The following SDK2 variants were observed in gnomAD, a reference collection of about 807,000 sequenced individuals.
SDK2 encodes sidekick cell adhesion molecule 2.
Under a neutral mutation model 253.9 loss-of-function variants are expected in SDK2, and 105 were observed. The ratio of observed to expected loss-of-function variants is 0.41; its 90% CI spans 0.35 to 0.49. The LOEUF is 0.49. SDK2 is among the 20% of genes least tolerant of loss of function. The pLI, the probability that SDK2 is intolerant of heterozygous loss-of-function variation, is 0.06. For synonymous variants in SDK2, 1,249 were observed against 1,234.9 expected (o/e 1.01, Z -0.24); for missense variants, 2,608 against 3,003.0 (o/e 0.87, Z 3.07).
At chr17:73,623,496 C>T (rs1413678785) in intron 1 of SDK2, among the ~76,000 whole-genome samples, 1 of 152,156 alleles carries the variant, frequency 6.6e-6, no homozygotes, top group Non-Finnish European at 1.5e-5. Context: ...AGGCCTTCCC[C>T]CTGAAGGCCC....
intron 14 of SDK2, among the ~76,000 whole-genome samples, chr17:73,422,958 T>C (rs2063244897): frequency 6.6e-6 from 1 of 151,684 alleles, no homozygotes; most frequent in Admixed American, 6.6e-5. Context: ...GAGGCAGAGG[T>C]TGCAGTGAGC....
chr17:73,499,374 A>G (rs904013056), intron 2 of SDK2, among the ~76,000 whole-genome samples: 3 of 152,226 alleles, frequency 2.0e-5, no homozygotes, highest in Non-Finnish European at 4.4e-5. Flanking sequence ...CAGCTCTGCC[A>G]CAAGGACCTC....
chr17:73,507,387 C>T (rs1245223914), intron 2 of SDK2, 51 bp downstream of exon 2: 2 of 1,512,690 alleles, frequency 1.3e-6, no homozygotes, highest in Non-Finnish European at 1.8e-6. Context: ...CTCTTCAAAG[C>T]AGGGCAGTGG....
chr17:73,579,235 G>T (rs189254576), intron 1 of SDK2, among the ~76,000 whole-genome samples: 1 of 152,100 alleles, frequency 6.6e-6, no homozygotes, highest in Non-Finnish European at 1.5e-5. Context: ...TCTCATCACC[G>T]CAGTCACAGA....
chr17:73,560,018 C>CGGGAA (rs564381825), intron 1 of SDK2, among the ~76,000 whole-genome samples: 163 of 152,256 alleles, frequency 1.1e-3, no homozygotes, highest in African/African-American at 3.5e-3. Flanking sequence ...CATCACACCA[C>CGGGAA]GGGAAGCGGG....
intron 3 of SDK2, among the ~76,000 whole-genome samples, chr17:73,468,468 G>C (rs1421787144): frequency 6.6e-6 from 1 of 152,148 alleles, no homozygotes; most frequent in African/African-American, 2.4e-5. Flanking sequence ...CCAGGACAGA[G>C]CAAGGATGTG....
chr17:73,394,184 C>T, intron 26 of SDK2, 25 bp downstream of exon 26: 1 of 1,451,198 alleles, frequency 6.9e-7, no homozygotes, highest in Non-Finnish European at 9.3e-7. Context: ...GTAGGGACCC[C>T]ACCTCCTGGG....
chr17:73,401,759 C>T lies in SDK2; in HGVS notation c.2681-7G>A, dbSNP rs1242157841. The T allele has an allele frequency of 6.4e-7, 1 of 1,567,510 alleles. No homozygotes were observed. The highest frequency in any genetic ancestry group is 1.9e-5 in the Admixed American group (1 of 53,622). ...TGTCCCACGGGCCCAGGCACTGCACCCCAAAAGGAACCCCCACCCCCCAAG... is the reference window on the plus strand; with the variant it reads ...TGTCCCACGGGCCCAGGCACTGCACTCCAAAAGGAACCCCCACCCCCCAAG... On this transcript the variant is annotated splice_region_variant and splice_polypyrimidine_tract_variant and intron_variant, in intron 19 of 44. Coordinates refer to ENST00000392650, the MANE Select transcript of SDK2 (RefSeq NM_001144952.2).
rs77771957 is a variant in SDK2 at position 73,557,830 on chromosome 17, A to C, written c.65-50233T>G. Among the ~76,000 whole-genome samples, 96 of 152,260 alleles carry C rather than the reference A, an allele frequency of 6.3e-4. 1 individual carries two copies. In the East Asian group the frequency reaches 0.018, roughly 28 times the overall value. On this transcript the variant is annotated intron_variant, in intron 1 of 44. Coordinates refer to ENST00000392650, the MANE Select transcript of SDK2 (RefSeq NM_001144952.2). Reference sequence around the variant, plus strand: ...TAACAGGAGTTCCTTAAACTCTGTGAGTCCAGATTTCCTGCCCTCAGTAAG... The same window carrying C: ...TAACAGGAGTTCCTTAAACTCTGTGCGTCCAGATTTCCTGCCCTCAGTAAG...
chr17:73,586,692 C>G (rs944619605), intron 1 of SDK2, among the ~76,000 whole-genome samples: 5 of 152,170 alleles, frequency 3.3e-5, no homozygotes, highest in Non-Finnish European at 5.9e-5. Flanking sequence ...GACTCAACCA[C>G]CTCCCATGAC....
At chr17:73,389,897 G>A (rs146911426) in intron 29 of SDK2, among the ~76,000 whole-genome samples, 42 of 152,302 alleles carry the variant, frequency 2.8e-4, no homozygotes, top group African/African-American at 1.0e-3. Context: ...TTACAGGTGT[G>A]TGCCACCACG....
chr17:73,466,288 G>C (rs981001014), intron 3 of SDK2, among the ~76,000 whole-genome samples: 2 of 152,180 alleles, frequency 1.3e-5, no homozygotes, highest in Non-Finnish European at 2.9e-5. Flanking sequence ...ATTTCTCCCT[G>C]AGTGCCGTCC....
chr17:73,632,780 C>T (rs1434340015), intron 1 of SDK2, among the ~76,000 whole-genome samples: 1 of 152,122 alleles, frequency 6.6e-6, no homozygotes, highest in Admixed American at 6.5e-5. Flanking sequence ...TAAATATATA[C>T]ATGTAAAGCA....
chr17:73,491,121 G>C (rs2063803429), intron 2 of SDK2, among the ~76,000 whole-genome samples: 1 of 152,126 alleles, frequency 6.6e-6, no homozygotes, highest in Admixed American at 6.5e-5. Flanking sequence ...CTGGCGTAAG[G>C]CATAGTCGGC....
At chr17:73,389,508 T>C (rs563845079) in intron 29 of SDK2, among the ~76,000 whole-genome samples, 1 of 152,166 alleles carries the variant, frequency 6.6e-6, no homozygotes, top group South Asian at 2.1e-4. Flanking sequence ...CTATGTTCTG[T>C]AGAGATGGTG....
chr17:73,616,624 A>G lies in SDK2; in HGVS notation c.64+27401T>C, dbSNP rs2046061306. Among the ~76,000 whole-genome samples the G allele has an allele frequency of 6.6e-6, 1 of 152,306 alleles. No individual in the cohort carries two copies. Among genetic ancestry groups the G allele is most frequent in the South Asian group, 2.1e-4 (1 of 4,822 alleles). On this transcript the variant is annotated intron_variant, in intron 1 of 44. Transcript: ENST00000392650. This position sits in a 1 kb window ranked among gnomAD's most constrained non-coding sequence, Gnocchi z 5.2. ...TTGGGGCTGAGAAAATGAACGTTCC[A>G]TGATGCTATAAACGAAGGAAGATAA... is the stretch of plus-strand genomic sequence containing the variant.
At chr17:73,376,511 G>A (rs542630455) in intron 36 of SDK2, among the ~76,000 whole-genome samples, 1 of 152,214 alleles carries the variant, frequency 6.6e-6, no homozygotes, top group African/African-American at 2.4e-5. Flanking sequence ...CGTGCGTGTT[G>A]ATGTCAGTAC....
At chr17:73,569,814 C>A (rs545509374) in intron 1 of SDK2, among the ~76,000 whole-genome samples, 9 of 152,196 alleles carry the variant, frequency 5.9e-5, no homozygotes, top group Middle Eastern at 6.8e-3. Flanking sequence ...GTCCTCAGAA[C>A]GGAGCTCCGA....
In SDK2 at chr17:73,550,868, C is replaced by A. The variant is rs138396677; in HGVS notation, c.65-43271G>T. On this transcript the variant is annotated intron_variant, in intron 1 of 44. Transcript: ENST00000392650. Reference sequence around the variant, plus strand: ...TTGCTGGATCCCAGGGCGAGTCACCCGTCCACAGGGAGCTGGAGTCATGAG... The same window carrying A: ...TTGCTGGATCCCAGGGCGAGTCACCAGTCCACAGGGAGCTGGAGTCATGAG... 3.9e-5 allele frequency among the ~76,000 whole-genome samples: 6 copies of A among 152,066 alleles called. No individual in the cohort carries two copies. The East Asian group carries it at 1.2e-3, about 29-fold the overall frequency.
Sources: allele counts gnomAD v4.1 joint callset (sites outside exome capture counted in the v4.1 genomes callset), GRCh38; gene constraint gnomAD v4.1.1; non-coding constraint Gnocchi (gnomAD v3.1); transcripts MANE v1.5; gene names NCBI Gene and HGNC (gene_info 2026-07-23, HGNC 2026-07-21).